ZNF91: variants seen among roughly 807,000 people sequenced by gnomAD.
ZNF91 encodes the protein zinc finger protein 91 (HPF7, HTF10).
A neutral mutation model predicts 12.6 loss-of-function variants in ZNF91; 7 were observed. The observed-to-expected ratio is 0.55, with a 90% CI of 0.31 to 1.04. ZNF91 has a LOEUF of 1.04. Among genes scored for constraint, ZNF91 ranks in the 50% least tolerant of loss-of-function variants. The pLI is 0.05. For synonymous variants in ZNF91, 453 were observed against 462.6 expected (o/e 0.98, Z 0.27); for missense variants, 1,217 against 1,385.4 (o/e 0.88, Z 1.93).
Position 23,380,302 on chromosome 19 carries a change from A to AAG in ZNF91, c.31-5539_31-5538insCT, listed in dbSNP as rs554607914. On this transcript the variant is annotated intron_variant, in intron 1 of 3. Coordinates refer to ENST00000300619, the MANE Select transcript of ZNF91 (RefSeq NM_003430.4). ...AAAAAAAAAAAAAAAAAAAAAAAAA[A>AAG]GAGTGAAGCTTGAGCTGCAGAAGGA... 5.7e-4 allele frequency: 76 copies of AAG among 133,658 alleles called. 2 individuals are homozygous for AAG. Among genetic ancestry groups the AAG allele is most frequent in the African/African-American group, 1.9e-3 (63 of 32,920 alleles). The allele number at this position is 133,658 out of a possible 1,614,324, so 8.3% of individuals were successfully genotyped here.
intron 1 of ZNF91, among the ~76,000 whole-genome samples, chr19:23,389,751 A>G (rs1599761104): frequency 6.6e-6 from 1 of 152,272 alleles, no homozygotes; most frequent in East Asian, 1.9e-4. Flanking sequence ...AGAGTTTGCT[A>G]AACACCAAGC....
At chr19:23,346,390 G>C (rs1179986775) in intron 3 of ZNF91, among the ~76,000 whole-genome samples, 1 of 152,056 alleles carries the variant, frequency 6.6e-6, no homozygotes, top group African/African-American at 2.4e-5. Context: ...TTATCAAGAT[G>C]TGGTCCCTGG....
chr19:23,394,223 C>T (rs1970158254), intron 1 of ZNF91, among the ~76,000 whole-genome samples: 1 of 152,018 alleles, frequency 6.6e-6, no homozygotes, highest in South Asian at 2.1e-4. Context: ...GAAAAATCGT[C>T]CCCTTTTGAG....
At chr19:23,386,228 T>C (rs569573726) in intron 1 of ZNF91, among the ~76,000 whole-genome samples, 3 of 152,158 alleles carry the variant, frequency 2.0e-5, no homozygotes, top group Non-Finnish European at 2.9e-5. Flanking sequence ...AAAGTGATCA[T>C]ACTGTCCTCC....
Position 23,362,974 on chromosome 19 carries a change from C to T in ZNF91, c.254-249G>A, listed in dbSNP as rs372080822. The stretch of plus-strand genomic sequence containing the variant: ...CAGCAAGCCCTGCCTCCTGGGTTCA[C>T]GCCATTACCCTGCACAGGCCCTAAT... On this transcript the variant is annotated intron_variant, in intron 3 of 3. Coordinates refer to ENST00000300619, the MANE Select transcript of ZNF91 (RefSeq NM_003430.4). Among the ~76,000 whole-genome samples the T allele has an allele frequency of 1.0e-3, 157 of 152,228 alleles. 4 individuals are homozygous for T. The South Asian group carries it at 0.022, about 21-fold the overall frequency.
chr19:23,310,846 A>AC (rs1356737392), upstream of ZNF91, among the ~76,000 whole-genome samples: 1 of 152,162 alleles, frequency 6.6e-6, no homozygotes, highest in East Asian at 1.9e-4. Context: ...GCTGGACTCA[A>AC]CACCAAGGTG....
intron 1 of ZNF91, among the ~76,000 whole-genome samples, chr19:23,388,227 C>G (rs1376375868): frequency 6.6e-6 from 1 of 151,902 alleles, no homozygotes; most frequent in African/African-American, 2.4e-5. Context: ...GCCTGGGCAA[C>G]AGAGTGAGAC....
At chr19:23,320,551 C>A (rs1002238831) in intron 1 of ZNF91, among the ~76,000 whole-genome samples, 2 of 152,180 alleles carry the variant, frequency 1.3e-5, no homozygotes, top group Non-Finnish European at 2.9e-5. Context: ...AAAGAAGGAA[C>A]TTCCAACACT....
chr19:23,325,374 C>T (rs1019225551), intron 1 of ZNF91: 1 of 152,084 alleles, frequency 6.6e-6, no homozygotes, highest in Non-Finnish European at 1.5e-5. Flanking sequence ...TCTGCAGCAA[C>T]CTTTGTGGTC....
intron 1 of ZNF91, chr19:23,380,648 G>T (rs1338747386): frequency 6.6e-6 from 1 of 152,102 alleles, no homozygotes; most frequent in Non-Finnish European, 1.5e-5. Flanking sequence ...TTACATATAA[G>T]ATTGATCAAG....
chr19:23,351,691 A>C (rs1421471053), intron 3 of ZNF91, among the ~76,000 whole-genome samples: 1 of 152,204 alleles, frequency 6.6e-6, no homozygotes, highest in Non-Finnish European at 1.5e-5. Flanking sequence ...TTATCTGAAC[A>C]AATCACCACC....
chr19:23,369,126 G>A (rs1330477788), intron 3 of ZNF91, among the ~76,000 whole-genome samples: 4 of 151,964 alleles, frequency 2.6e-5, no homozygotes, highest in East Asian at 1.9e-4. Context: ...CCTGCTAAAC[G>A]TGGTGAAACC....
At chr19:23,346,671 C>T (rs1416365085) in intron 3 of ZNF91, among the ~76,000 whole-genome samples, 1 of 151,982 alleles carries the variant, frequency 6.6e-6, no homozygotes, top group Non-Finnish European at 1.5e-5. Context: ...AGGGACCCAC[C>T]CTCCAGGTTT....
intron 3 of ZNF91, among the ~76,000 whole-genome samples, chr19:23,372,230 A>G (rs1010533589): frequency 1.3e-5 from 2 of 152,186 alleles, no homozygotes; most frequent in African/African-American, 4.8e-5. Flanking sequence ...AGATAAAAAA[A>G]AAAAGATGCC....
chr19:23,339,018 CACTGCACTCCAGCCTGGCGATGGAGCAAG>C lies in ZNF91; in HGVS notation c.261_289del (p.Leu88AlafsTer16), dbSNP rs1288938958. 3 of 149,494 alleles carry C rather than the reference CACTGCACTCCAGCCTGGCGATGGAGCAAG, an allele frequency of 2.0e-5. No individual in the cohort carries two copies. Among genetic ancestry groups the C allele is most frequent in the African/African-American group, 7.4e-5 (3 of 40,282 alleles). 9.3% of individuals were successfully genotyped at this position (149,494 alleles called of 1,614,324 possible). On this transcript the variant is annotated frameshift_variant, in exon 4 of 4. Coordinates refer to the ZNF91 transcript ENST00000599743. LOFTEE classifies it high-confidence loss of function. Reference sequence around the variant, plus strand: ...AGTGAGCAGTGGGACGAGATCGCGCCACTGCACTCCAGCCTGGCGATGGAGCAAGACTCCGTCTCAAAAAAAAAAAAAAA... The same window carrying C: ...AGTGAGCAGTGGGACGAGATCGCGCCACTCCGTCTCAAAAAAAAAAAAAAA...
In ZNF91 at chr19:23,331,055, T is replaced by TG. The variant is rs1967921222; in HGVS notation, n.117-21959dup. Among the ~76,000 whole-genome samples, 4 of 152,232 alleles carry TG rather than the reference T, an allele frequency of 2.6e-5. 1 individual carries two copies. In the South Asian group the frequency reaches 8.3e-4, roughly 32 times the overall value. On this transcript the variant is annotated intron_variant and non_coding_transcript_variant, in intron 1 of 1. Coordinates refer to the ZNF91 transcript ENST00000596528. ...ACTTATTTTGGAGAGTGCTGGATAA[T>TG]GGTGACCATACATGCTGTCTGTTGG...
intron 1 of ZNF91, among the ~76,000 whole-genome samples, chr19:23,377,046 A>G (rs1969526676): frequency 6.6e-6 from 1 of 152,116 alleles, no homozygotes; most frequent in African/African-American, 2.4e-5. Context: ...CAGAACAATG[A>G]GCTGCTCCAC....
downstream of ZNF91, among the ~76,000 whole-genome samples, chr19:23,334,151 G>C (rs1235540811): frequency 6.6e-6 from 1 of 152,104 alleles, no homozygotes; most frequent in Non-Finnish European, 1.5e-5. Context: ...CAAAAAAGTA[G>C]TTTAAGTACA....
chr19:23,382,171 G>A lies in ZNF91; in HGVS notation c.31-7407C>T, dbSNP rs115627339. On this transcript the variant is annotated intron_variant, in intron 1 of 3. Transcript: ENST00000300619. ...AAATGTTATAAGAAAAGAGATTTTAGTAAGATATTTTCTTACTTTTATGTA... is the reference window on the plus strand; with the variant it reads ...AAATGTTATAAGAAAAGAGATTTTAATAAGATATTTTCTTACTTTTATGTA... Among the ~76,000 whole-genome samples the A allele has an allele frequency of 3.2e-3, 483 of 151,820 alleles. 2 individuals are homozygous for A. Among genetic ancestry groups the A allele is most frequent in the African/African-American group, 0.011 (466 of 41,376 alleles).
Sources: allele counts gnomAD v4.1 joint callset (sites outside exome capture counted in the v4.1 genomes callset), GRCh38; gene constraint gnomAD v4.1.1; transcripts MANE v1.5; gene names NCBI Gene and HGNC (gene_info 2026-07-23, HGNC 2026-07-21).